Variants in PPP2R2A observed in about 807,000 individuals in gnomAD.
PPP2R2A encodes protein phosphatase 2 regulatory subunit Balpha.
In PPP2R2A, 9 loss-of-function variants were observed where a neutral mutation model predicts 53.2. The observed-to-expected ratio is 0.17, with a 90% CI of 0.10 to 0.30. The LOEUF is 0.30. Among genes scored for constraint, PPP2R2A ranks in the 10% least tolerant of loss-of-function variants. PPP2R2A has a pLI of 1.00. For synonymous variants in PPP2R2A, 169 were observed against 174.2 expected (o/e 0.97, Z 0.23); for missense variants, 235 against 534.6 (o/e 0.44, Z 5.53).
At chr8:26,368,959 C>A (rs1805528149) in intron 9 of PPP2R2A, among the ~76,000 whole-genome samples, 1 of 151,706 alleles carries the variant, frequency 6.6e-6, no homozygotes, top group South Asian at 2.1e-4. Flanking sequence ...ACAAAAAAAA[C>A]TAGCCGGGCG....
intron 2 of PPP2R2A, among the ~76,000 whole-genome samples, chr8:26,295,869 A>G (rs1022870060): frequency 1.3e-4 from 20 of 152,194 alleles, no homozygotes; most frequent in African/African-American, 4.6e-4. Context: ...CTAAGGGGAG[A>G]TTTGCTTTTC....
chr8:26,368,380 G>A lies in PPP2R2A; in HGVS notation c.1065-1754G>A, dbSNP rs566270670. 1.1e-3 allele frequency among the ~76,000 whole-genome samples: 160 copies of A among 152,244 alleles called. 1 individual carries two copies. The highest frequency in any genetic ancestry group is 3.8e-3 in the African/African-American group (157 of 41,552). ...ATAATTTGAACCATTGGTAAGCAGC[G>A]GTAGCAGACCCTTTCCAAATTAAGA... On this transcript the variant is annotated intron_variant, in intron 9 of 9. Transcript: ENST00000380737.
chr8:26,328,886 C>T (rs1377426556), intron 2 of PPP2R2A, among the ~76,000 whole-genome samples: 4 of 152,132 alleles, frequency 2.6e-5, no homozygotes, highest in Non-Finnish European at 5.9e-5. Context: ...AATCTCATTA[C>T]TACAAGTGAT....
intron 2 of PPP2R2A, among the ~76,000 whole-genome samples, chr8:26,320,323 C>T (rs550225184): frequency 3.9e-5 from 6 of 152,308 alleles, no homozygotes; most frequent in Admixed American, 2.6e-4. Flanking sequence ...TCAGCAAATA[C>T]GTTGCTGCCT....
chr8:26,362,007 T>C lies in PPP2R2A; in HGVS notation c.638-677T>C, dbSNP rs1238768281. Among the ~76,000 whole-genome samples, 4 of 125,576 alleles carry C rather than the reference T, an allele frequency of 3.2e-5. No homozygotes were observed. The highest frequency in any genetic ancestry group is 6.2e-5 in the African/African-American group (2 of 32,482). The allele number at this position is 125,576 out of a possible 152,430, so 82.4% of individuals were successfully genotyped here. A position where few individuals can be genotyped will look rare whatever the true frequency, so the allele number is the denominator to read the frequency against. On this transcript the variant is annotated intron_variant, in intron 6 of 9. Transcript: ENST00000380737. The surrounding 1 kb of genome is among the most constrained non-coding windows in gnomAD (Gnocchi z 4.4). ...TTTATATATATTATATTAATTGATA[T>C]TAAGATTAGATTAAGATTAGATTAA...
At chr8:26,359,053 G>C (rs540220196) in intron 4 of PPP2R2A, 2 of 430,622 alleles carry the variant, frequency 4.6e-6, no homozygotes, top group African/African-American at 2.0e-5. Context: ...TTGATACCAT[G>C]TATCCCTTTG....
intron 3 of PPP2R2A, chr8:26,340,110 T>C (rs1423390017): frequency 6.6e-6 from 1 of 152,070 alleles, no homozygotes; most frequent in African/African-American, 2.4e-5. Context: ...TGACAAAGAA[T>C]GGTCTCGTGG....
At position 26,323,524 on chromosome 8, in the gene PPP2R2A, T is replaced by C. The variant is rs185382202; in HGVS notation, c.83-15366T>C. Among the ~76,000 whole-genome samples the C allele has an allele frequency of 3.9e-5, 6 of 152,326 alleles. No homozygotes were observed. In the East Asian group the frequency reaches 1.2e-3, roughly 29 times the overall value. On this transcript the variant is annotated intron_variant, in intron 2 of 9. Coordinates refer to ENST00000380737, the MANE Select transcript of PPP2R2A (RefSeq NM_002717.4). ...GTGCCTCTGACCAAGTGGCCATACA[T>C]AGAGGTTACCAAGACCTCCTTCTTG...
In PPP2R2A at chr8:26,297,294, G is replaced by T. The variant is rs1384264312; in HGVS notation, c.82+3554G>T. On this transcript the variant is annotated intron_variant, in intron 2 of 9. Coordinates refer to ENST00000380737, the MANE Select transcript of PPP2R2A (RefSeq NM_002717.4). ...CCGGCTCATTTTTGTATTTTTATTAGAGATGGTTTTGCCATGTTGGCCAGG... is the reference window on the plus strand; with the variant it reads ...CCGGCTCATTTTTGTATTTTTATTATAGATGGTTTTGCCATGTTGGCCAGG... 1.4e-4 allele frequency among the ~76,000 whole-genome samples: 21 copies of T among 152,090 alleles called. 1 individual carries two copies. Among genetic ancestry groups the T allele is most frequent in the Admixed American group, 1.4e-3 (21 of 15,268 alleles).
chr8:26,368,050 C>G (rs148251687), intron 9 of PPP2R2A, among the ~76,000 whole-genome samples: 311 of 152,300 alleles, frequency 2.0e-3, no homozygotes, highest in Non-Finnish European at 3.8e-3. Flanking sequence ...CACAGAAATG[C>G]TGGCCTAATG....
intron 2 of PPP2R2A, among the ~76,000 whole-genome samples, chr8:26,330,221 C>T (rs1333747549): frequency 6.6e-6 from 1 of 152,006 alleles, no homozygotes; most frequent in Non-Finnish European, 1.5e-5. Context: ...GTATCTTTCA[C>T]TTCAAATAGT....
At position 26,371,310 on chromosome 8, in the gene PPP2R2A, G is replaced by A. The variant is rs1452686887; in HGVS notation, c.*897G>A. On this transcript the variant is annotated 3_prime_UTR_variant, in exon 10 of 10. Transcript: ENST00000380737. The stretch of plus-strand genomic sequence containing the variant: ...TATTGGTTCTCTATGAACATATTTT[G>A]AATATAGGTTTTATTAAGGATTTCA... 1 of 148,868 alleles carries A rather than the reference G, an allele frequency of 6.7e-6. No individual in the cohort carries two copies. The highest frequency in any genetic ancestry group is 1.5e-5 in the Non-Finnish European group (1 of 67,484). 9.2% of individuals were successfully genotyped at this position (148,868 alleles called of 1,614,324 possible). A position where few individuals can be genotyped will look rare whatever the true frequency, so the allele number is the denominator to read the frequency against.
chr8:26,359,407 C>G (rs577442532), intron 4 of PPP2R2A, among the ~76,000 whole-genome samples: 1 of 152,108 alleles, frequency 6.6e-6, no homozygotes, highest in Non-Finnish European at 1.5e-5. Context: ...ACCATGGTTG[C>G]GTAAGATGTT....
rs764920656 is a variant in PPP2R2A at position 26,370,487 on chromosome 8, AAGAG to A, written c.*79_*82del. ...TTGAATCTAGCATTCGTTCCTATAAAAGAGAGAGGTCCATTGTGGCGCCCCTTTC... is the reference window on the plus strand; with the variant it reads ...TTGAATCTAGCATTCGTTCCTATAAAAGAGGTCCATTGTGGCGCCCCTTTC... On this transcript the variant is annotated 3_prime_UTR_variant, in exon 10 of 10. Coordinates refer to ENST00000380737, the MANE Select transcript of PPP2R2A (RefSeq NM_002717.4). The surrounding 1 kb of genome is among the most constrained non-coding windows in gnomAD (Gnocchi z 6.1). The A allele has an allele frequency of 6.6e-7, 1 of 1,517,204 alleles. No individual in the cohort carries two copies. Among genetic ancestry groups the A allele is most frequent in the East Asian group, 2.3e-5 (1 of 44,274 alleles). The allele number at this position is 1,517,204 out of a possible 1,614,324, so 94.0% of individuals were successfully genotyped here. A position where few individuals can be genotyped will look rare whatever the true frequency, so the allele number is the denominator to read the frequency against.
chr8:26,291,769 A>T lies in PPP2R2A; in HGVS notation c.-51A>T. 1 of 1,583,906 alleles carries T rather than the reference A, an allele frequency of 6.3e-7. No homozygotes were observed. The highest frequency in any genetic ancestry group is 1.1e-5 in the South Asian group (1 of 88,232). ...ATCCCCAGGTGAGGGGGGTGAGTTC[A>T]GGAAGCGGAGACCCCGAGGAACCCA... On this transcript the variant is annotated 5_prime_UTR_variant, in exon 1 of 10. Coordinates refer to ENST00000380737, the MANE Select transcript of PPP2R2A (RefSeq NM_002717.4).
chr8:26,299,353 A>G (rs368498281), intron 2 of PPP2R2A, among the ~76,000 whole-genome samples: 15 of 152,266 alleles, frequency 9.9e-5, no homozygotes, highest in African/African-American at 3.6e-4. Context: ...TTAAAATATC[A>G]GATGTTATTA....
intron 2 of PPP2R2A, among the ~76,000 whole-genome samples, chr8:26,331,650 C>T (rs1369527950): frequency 6.6e-6 from 1 of 152,136 alleles, no homozygotes. Flanking sequence ...CATTTTCTTC[C>T]AGGTATGAAC....
At chr8:26,347,602 A>G (rs1454132846) in intron 3 of PPP2R2A, among the ~76,000 whole-genome samples, 1 of 152,164 alleles carries the variant, frequency 6.6e-6, no homozygotes, top group South Asian at 2.1e-4. Context: ...ATTGTATTTT[A>G]TGCATTTCCT....
intron 2 of PPP2R2A, among the ~76,000 whole-genome samples, chr8:26,319,196 T>A (rs904087961): frequency 6.6e-6 from 1 of 152,218 alleles, no homozygotes; most frequent in South Asian, 2.1e-4. Context: ...ACATTTTGTT[T>A]GTTCACTCAT....
Sources: gnomAD v4.1 joint callset for allele counts (sites outside exome capture counted in the v4.1 genomes callset) on GRCh38, gnomAD v4.1.1 for gene constraint, Gnocchi (gnomAD v3.1) non-coding constraint, MANE v1.5 for transcripts, NCBI Gene and HGNC (gene_info 2026-07-23, HGNC 2026-07-21) for gene names.